The following CAB39 variants were observed in gnomAD, a reference collection of about 807,000 sequenced individuals.
CAB39 encodes calcium binding protein 39.
CAB39 carries 8 observed loss-of-function variants against 40.0 expected under a neutral mutation model. The observed-to-expected ratio is 0.20, with a 90% confidence interval of 0.12 to 0.36. The LOEUF (loss-of-function observed/expected upper bound fraction) is 0.36, where lower values mean the gene tolerates loss of function less well. Ranked by LOEUF, CAB39 falls within the 10% of genes least tolerant of loss-of-function variation. The pLI, the probability that CAB39 is intolerant of heterozygous loss-of-function variation, is 1.00. For synonymous variants in CAB39, 156 were observed against 141.6 expected (o/e 1.10, Z -0.72); for missense variants, 270 against 401.1 (o/e 0.67, Z 2.79).
At chr2:230,754,456 T>TCCTTCTTCCCCTTC (rs1559599026) in intron 1 of CAB39, among the ~76,000 whole-genome samples, 2 of 112,084 alleles carry the variant, frequency 1.8e-5, no homozygotes, top group Admixed American at 8.7e-5. Context: ...TCTTCCCCTT[T>TCCTTCTTCCCCTTC]CCCTCCTTCT....
At chr2:230,728,795 T>C (rs1694633000) in intron 1 of CAB39, among the ~76,000 whole-genome samples, 1 of 152,188 alleles carries the variant, frequency 6.6e-6, no homozygotes, top group African/African-American at 2.4e-5. Context: ...AAATTTTTTG[T>C]GGAGACGGGA....
At chr2:230,736,666 C>T (rs1403710122) in intron 1 of CAB39, among the ~76,000 whole-genome samples, 1 of 152,122 alleles carries the variant, frequency 6.6e-6, no homozygotes, top group African/African-American at 2.4e-5. Flanking sequence ...GCTCTGGGTC[C>T]TTAATATACT....
At chr2:230,818,430 T>G in intron 8 of CAB39, 86 bp from the exon 9 acceptor site, 1 of 1,085,228 alleles carries the variant, frequency 9.2e-7, no homozygotes, top group Non-Finnish European at 1.4e-6. Context: ...AGAGCACAGC[T>G]CTGCTTTTCT....
intron 1 of CAB39, chr2:230,725,460 G>C: frequency 2.1e-6 from 3 of 1,421,348 alleles, no homozygotes; most frequent in Non-Finnish European, 3.0e-6. Context: ...CCGCCACCCG[G>C]CCACTCCTGC....
chr2:230,810,445 G>T (rs1696284266), intron 6 of CAB39, 123 bp downstream of exon 6: 1 of 427,878 alleles, frequency 2.3e-6, no homozygotes, highest in Admixed American at 4.5e-5. Flanking sequence ...TATAAATGGT[G>T]CCGTAGTTAT....
intron 1 of CAB39, among the ~76,000 whole-genome samples, chr2:230,736,672 A>G (rs1051806917): frequency 2.0e-5 from 3 of 152,194 alleles, no homozygotes; most frequent in Non-Finnish European, 4.4e-5. Context: ...GGTCCTTAAT[A>G]TACTTCTCAA....
chr2:230,719,624 TAC>T (rs1479864836), intron 1 of CAB39, among the ~76,000 whole-genome samples: 1 of 152,220 alleles, frequency 6.6e-6, no homozygotes, highest in Non-Finnish European at 1.5e-5. Flanking sequence ...AGGCCTGTGT[TAC>T]AGTGGGAAAC....
chr2:230,772,487 GT>G (rs35032723), intron 2 of CAB39, among the ~76,000 whole-genome samples: 337 of 142,584 alleles, frequency 2.4e-3, no homozygotes, highest in African/African-American at 5.1e-3. Flanking sequence ...AGTTTGGCAG[GT>G]TTTTTTTTTT....
intron 5 of CAB39, among the ~76,000 whole-genome samples, chr2:230,806,664 G>A (rs973127608): frequency 2.6e-5 from 4 of 152,166 alleles, no homozygotes; most frequent in Admixed American, 2.0e-4. Flanking sequence ...ATAGAAAATG[G>A]ACAAAACATG....
chr2:230,788,969 C>G (rs1457988486), intron 2 of CAB39, among the ~76,000 whole-genome samples: 1 of 152,192 alleles, frequency 6.6e-6, no homozygotes, highest in Non-Finnish European at 1.5e-5. Context: ...TCCATTATGT[C>G]TTCAAATAGT....
chr2:230,809,249 C>T (rs1696261061), intron 5 of CAB39, among the ~76,000 whole-genome samples: 1 of 152,206 alleles, frequency 6.6e-6, no homozygotes, highest in South Asian at 2.1e-4. Context: ...GACCATGGGA[C>T]ATTTCTTAAA....
At chr2:230,762,885 C>T (rs114410426) in intron 2 of CAB39, among the ~76,000 whole-genome samples, 1,742 of 152,246 alleles carry the variant, frequency 0.011, 41 homozygotes, top group African/African-American at 0.038. Context: ...TTTCAGTTGG[C>T]AGCAAGTGCC....
intron 5 of CAB39, among the ~76,000 whole-genome samples, chr2:230,809,759 A>ATT (rs1405924767): frequency 1.3e-5 from 2 of 152,198 alleles, no homozygotes; most frequent in African/African-American, 4.8e-5. Context: ...ACCTCTAAAA[A>ATT]ATTTGCGTTA....
chr2:230,714,637 A>G (rs1694317066), intron 1 of CAB39, among the ~76,000 whole-genome samples: 1 of 152,248 alleles, frequency 6.6e-6, no homozygotes, highest in South Asian at 2.1e-4. Context: ...ACATAAATTG[A>G]TGATTTTTAA....
Position 230,820,731 on chromosome 2 carries a change from C to T in CAB39, c.*2027C>T, listed in dbSNP as rs1696495058. ...TGTCAGACACAACATTCATGTTACT[C>T]TTACATTGGAATCTGAAGGTAGTTC... On this transcript the variant is annotated 3_prime_UTR_variant, in exon 9 of 9. Transcript: ENST00000258418. 6.6e-6 allele frequency: 1 copy of T among 152,572 alleles called. No homozygotes were observed. The highest frequency in any genetic ancestry group is 1.9e-4 in the East Asian group (1 of 5,198). 9.5% of individuals were successfully genotyped at this position (152,572 alleles called of 1,614,324 possible). A position where few individuals can be genotyped will look rare whatever the true frequency, so the allele number is the denominator to read the frequency against.
intron 2 of CAB39, among the ~76,000 whole-genome samples, chr2:230,772,984 A>T (rs1423494154): frequency 4.6e-4 from 8 of 17,242 alleles, no homozygotes; most frequent in East Asian, 0.014. Flanking sequence ...CTCAGCAATA[A>T]AAAAAAAAAA....
chr2:230,804,600 A>G (rs932421278), intron 5 of CAB39, among the ~76,000 whole-genome samples: 1 of 152,238 alleles, frequency 6.6e-6, no homozygotes, highest in East Asian at 1.9e-4. Flanking sequence ...ATGAACAGAC[A>G]CTTTTCAAAA....
chr2:230,804,649 C>T (rs1195442530), intron 5 of CAB39, among the ~76,000 whole-genome samples: 3 of 152,180 alleles, frequency 2.0e-5, no homozygotes, highest in Admixed American at 1.3e-4. Flanking sequence ...TGAAAAAATG[C>T]TCATCATCTC....
At chr2:230,818,052 G>GAA in intron 8 of CAB39, 155 bp downstream of exon 8, 1 of 667,994 alleles carries the variant, frequency 1.5e-6, no homozygotes, top group South Asian at 2.2e-5. Context: ...CTTTTAAACA[G>GAA]AAAGGTAGAC....
Sources: allele counts gnomAD v4.1 joint callset (sites outside exome capture counted in the v4.1 genomes callset), GRCh38; gene constraint gnomAD v4.1.1; transcripts MANE v1.5; gene names NCBI Gene and HGNC (gene_info 2026-07-23, HGNC 2026-07-21).